SLC24A4: variants seen among roughly 807,000 people sequenced by gnomAD.
The protein encoded by SLC24A4 is sodium/potassium/calcium exchanger 4.
SLC24A4 carries 53 observed loss-of-function variants against 79.0 expected under a neutral mutation model. The ratio of observed to expected loss-of-function variants is 0.67; its 90% CI spans 0.54 to 0.84. The LOEUF is 0.84. SLC24A4 is among the 40% of genes least tolerant of loss of function. SLC24A4 has a pLI of 0.00. For synonymous variants in SLC24A4, 323 were observed against 323.8 expected (o/e 1.00, Z 0.03); for missense variants, 731 against 822.0 (o/e 0.89, Z 1.35).
At chr14:92,334,907 A>G (rs571394112) in intron 2 of SLC24A4, among the ~76,000 whole-genome samples, 2 of 151,698 alleles carry the variant, frequency 1.3e-5, no homozygotes, top group East Asian at 1.9e-4. Context: ...CATCATCATC[A>G]TCGTCATCAT....
intron 7 of SLC24A4, among the ~76,000 whole-genome samples, chr14:92,443,986 G>A (rs1031590795): frequency 9.9e-5 from 15 of 152,082 alleles, no homozygotes; most frequent in South Asian, 6.2e-4. Context: ...TTCCTAACCT[G>A]CTCTTGGGAG....
At chr14:92,347,334 C>T (rs150402626) in intron 2 of SLC24A4, among the ~76,000 whole-genome samples, 89 of 152,234 alleles carry the variant, frequency 5.8e-4, no homozygotes, top group African/African-American at 1.7e-3. Flanking sequence ...TGTGTCCATT[C>T]GTGATATAAG....
chr14:92,455,275 C>T (rs1044182551), intron 11 of SLC24A4, among the ~76,000 whole-genome samples: 4 of 152,104 alleles, frequency 2.6e-5, no homozygotes, highest in Non-Finnish European at 4.4e-5. Flanking sequence ...TGACACACAC[C>T]GAAAGGCTGT....
intron 12 of SLC24A4, among the ~76,000 whole-genome samples, chr14:92,479,424 G>A (rs1353629295): frequency 1.3e-5 from 2 of 152,150 alleles, no homozygotes; most frequent in Non-Finnish European, 2.9e-5. Flanking sequence ...AAAGAGTGTT[G>A]AATTTTGTCA....
chr14:92,481,720 C>T (rs1489642588), intron 12 of SLC24A4, among the ~76,000 whole-genome samples: 1 of 152,150 alleles, frequency 6.6e-6, no homozygotes, highest in African/African-American at 2.4e-5. Context: ...AATAGATATT[C>T]CCTGGATTGC....
chr14:92,392,116 A>G (rs576990151), intron 2 of SLC24A4, among the ~76,000 whole-genome samples: 119 of 151,732 alleles, frequency 7.8e-4, no homozygotes, highest in Middle Eastern at 3.4e-3. Context: ...CCGGGGCCCT[A>G]TTGATGTTAC....
Position 92,493,576 on chromosome 14 carries a change from A to G in SLC24A4, c.1817A>G (p.Glu606Gly). ...TTCTTGTGCTTCTCCATAATGATAG[A>G]GTTTAACGTCTTTACCTTCGTCAAC... is the stretch of plus-strand genomic sequence containing the variant. ...AIFLCFSIMI[E>G]FNVFTFVNLP... Residue 606 changes from glutamate (E) to glycine (G), a missense_variant, in exon 17 of 17, where the codon GAG becomes GGG. Glu to Gly is a moderately conservative substitution (Grantham distance 98). Coordinates refer to ENST00000532405, the MANE Select transcript of SLC24A4 (RefSeq NM_153646.4). 6.2e-7 allele frequency: 1 copy of G among 1,614,146 alleles called. No individual in the cohort carries two copies. Among genetic ancestry groups the G allele is most frequent in the Non-Finnish European group, 8.5e-7 (1 of 1,180,028 alleles).
At chr14:92,356,415 G>A (rs139772391) in intron 2 of SLC24A4, among the ~76,000 whole-genome samples, 122 of 152,218 alleles carry the variant, frequency 8.0e-4, no homozygotes, top group African/African-American at 2.6e-3. Context: ...TAGAATGAGC[G>A]TGCCACCATG....
At chr14:92,489,910 T>G (rs969814636) in intron 14 of SLC24A4, among the ~76,000 whole-genome samples, 7 of 152,192 alleles carry the variant, frequency 4.6e-5, no homozygotes, top group African/African-American at 1.7e-4. Context: ...TTGCTGCATG[T>G]TCCCGCATCT....
intron 2 of SLC24A4, among the ~76,000 whole-genome samples, chr14:92,393,364 A>G (rs989718131): frequency 6.6e-6 from 1 of 152,154 alleles, no homozygotes; most frequent in Non-Finnish European, 1.5e-5. Context: ...TCTAAGGCAC[A>G]GTTGCTGCGT....
intron 2 of SLC24A4, among the ~76,000 whole-genome samples, chr14:92,384,214 G>A (rs988634860): frequency 9.2e-5 from 14 of 152,106 alleles, no homozygotes; most frequent in Non-Finnish European, 1.8e-4. Context: ...GAAATTATCA[G>A]CATAAGAAAG....
chr14:92,339,132 C>A (rs12434625), intron 2 of SLC24A4, among the ~76,000 whole-genome samples: 9,629 of 152,202 alleles, frequency 0.063, 399 homozygotes, highest in Middle Eastern at 0.13. Flanking sequence ...GATGGAGCAA[C>A]CCTATCTGGT....
chr14:92,431,969 G>C (rs1012857314), intron 2 of SLC24A4, among the ~76,000 whole-genome samples: 1 of 152,210 alleles, frequency 6.6e-6, no homozygotes, highest in Non-Finnish European at 1.5e-5. Flanking sequence ...ATGCCTGGGT[G>C]CTCTGAGCTG....
At chr14:92,483,838 C>A (rs1425334272) in intron 13 of SLC24A4, 2 of 1,289,830 alleles carry the variant, frequency 1.6e-6, no homozygotes, top group African/African-American at 3.0e-5. Context: ...TTATTCTCCT[C>A]CTAATGCCTG....
rs1221093657 is a variant in SLC24A4, at chr14:92,499,070, T to A, written c.*5442T>A. On this transcript the variant is annotated 3_prime_UTR_variant, in exon 17 of 17. Transcript: ENST00000532405. ...GGTTATTTTATGGGGGTTTTAAACCTCCTAACTTTTCAATGACAAATGGCT... is the reference window on the plus strand; with the variant it reads ...GGTTATTTTATGGGGGTTTTAAACCACCTAACTTTTCAATGACAAATGGCT... The A allele has an allele frequency of 6.6e-6, 1 of 152,196 alleles. No individual in the cohort carries two copies. The highest frequency in any genetic ancestry group is 6.5e-5 in the Admixed American group (1 of 15,276). 9.4% of individuals were successfully genotyped at this position (152,196 alleles called of 1,614,324 possible).
At chr14:92,415,378 G>T (rs1406308098) in intron 2 of SLC24A4, among the ~76,000 whole-genome samples, 1 of 152,206 alleles carries the variant, frequency 6.6e-6, no homozygotes, top group African/African-American at 2.4e-5. Context: ...TCATGAGCCG[G>T]AATAGACTCA....
intron 1 of SLC24A4, among the ~76,000 whole-genome samples, chr14:92,324,304 G>C (rs986830515): frequency 1.2e-4 from 19 of 152,232 alleles, no homozygotes; most frequent in African/African-American, 4.3e-4. Context: ...TTGGTCTGGG[G>C]TGGGCGAAAC....
At chr14:92,389,794 G>A (rs1889365489) in intron 2 of SLC24A4, among the ~76,000 whole-genome samples, 1 of 152,032 alleles carries the variant, frequency 6.6e-6, no homozygotes, top group South Asian at 2.1e-4. Flanking sequence ...AAGCCCCAGG[G>A]GCCCGCCTGG....
intron 2 of SLC24A4, among the ~76,000 whole-genome samples, chr14:92,363,205 T>C (rs4904878): frequency 0.89 from 135,092 of 152,284 alleles, 62,143 homozygotes; most frequent in East Asian, 1. Context: ...ACCAGCCTTT[T>C]GCACCAAGTC....
Sources: allele counts gnomAD v4.1 joint callset (sites outside exome capture counted in the v4.1 genomes callset), GRCh38; gene constraint gnomAD v4.1.1; transcripts MANE v1.5; gene names NCBI Gene and HGNC (gene_info 2026-07-23, HGNC 2026-07-21).